NELL1: variants seen among roughly 807,000 people sequenced by gnomAD.
NELL1 encodes protein kinase C-binding protein NELL1.
NELL1 carries 76 observed loss-of-function variants against 107.4 expected under a neutral mutation model. That is an observed-to-expected ratio of 0.71 (90% CI 0.59 to 0.86). The LOEUF (loss-of-function observed/expected upper bound fraction) is 0.86, where lower values mean the gene tolerates loss of function less well. Among genes scored for constraint, NELL1 ranks in the 40% least tolerant of loss-of-function variants. The pLI is 0.00. For synonymous variants in NELL1, 353 were observed against 341.2 expected (o/e 1.03, Z -0.38); for missense variants, 1,024 against 1,005.5 (o/e 1.02, Z -0.25).
intron 12 of NELL1, among the ~76,000 whole-genome samples, chr11:21,018,124 T>A (rs77793813): frequency 1.3e-5 from 2 of 152,144 alleles, no homozygotes; most frequent in Non-Finnish European, 2.9e-5. Flanking sequence ...TCAGGCTTGA[T>A]TGACATATTC....
intron 12 of NELL1, among the ~76,000 whole-genome samples, chr11:21,009,428 T>TA (rs948204882): frequency 2.6e-5 from 4 of 152,094 alleles, no homozygotes; most frequent in Admixed American, 2.6e-4. Context: ...AGGAGAGTAA[T>TA]AAAACCCAAA....
At chr11:21,132,028 G>A (rs1261867441) in intron 13 of NELL1, among the ~76,000 whole-genome samples, 2 of 152,106 alleles carry the variant, frequency 1.3e-5, no homozygotes, top group African/African-American at 2.4e-5. Flanking sequence ...TTTCATACAC[G>A]CTTTTGAACA....
At chr11:20,709,228 C>T (rs192007551) in intron 2 of NELL1, among the ~76,000 whole-genome samples, 86 of 152,144 alleles carry the variant, frequency 5.7e-4, no homozygotes, top group African/African-American at 1.9e-3. Flanking sequence ...AGGAGAGAGA[C>T]GAGGATCCAG....
intron 12 of NELL1, among the ~76,000 whole-genome samples, chr11:21,110,745 T>A (rs1356232524): frequency 1.3e-5 from 2 of 152,136 alleles, no homozygotes; most frequent in Non-Finnish European, 2.9e-5. Flanking sequence ...TGGAGTTCAG[T>A]GTGGCTGTAT....
rs76599212 is a variant in NELL1 at position 20,777,344 on chromosome 11, T to C, written c.185-6336T>C. ...ACAGTAATAAGATATACAGGTTTGA[T>C]TTCTCTCATTCCGGCTTCTGGAACA... On this transcript the variant is annotated intron_variant, in intron 2 of 19. Transcript: ENST00000357134. Among the ~76,000 whole-genome samples, 509 of 152,368 alleles carry C rather than the reference T, an allele frequency of 3.3e-3. 4 individuals are homozygous for C. Among genetic ancestry groups the C allele is most frequent in the African/African-American group, 0.012 (492 of 41,594 alleles).
intron 5 of NELL1, among the ~76,000 whole-genome samples, chr11:20,886,711 A>C (rs1206175876): frequency 6.6e-6 from 1 of 152,242 alleles, no homozygotes; most frequent in African/African-American, 2.4e-5. Flanking sequence ...GAGAGATAGC[A>C]TTAGGAGAAA....
At chr11:20,850,438 C>T (rs1050404570) in intron 4 of NELL1, among the ~76,000 whole-genome samples, 2 of 152,194 alleles carry the variant, frequency 1.3e-5, no homozygotes, top group Non-Finnish European at 2.9e-5. Flanking sequence ...GTGCTGAGTA[C>T]TTTACATAGA....
At chr11:20,696,001 A>G (rs1193089762) in intron 2 of NELL1, among the ~76,000 whole-genome samples, 1 of 152,044 alleles carries the variant, frequency 6.6e-6, no homozygotes, top group Non-Finnish European at 1.5e-5. Flanking sequence ...TCTTGGTTCA[A>G]TCATGAGAAG....
In NELL1 at chr11:20,976,156, TAC is replaced by T. The variant is rs1300940344; in HGVS notation, c.1300+15602_1300+15603del. On this transcript the variant is annotated intron_variant, in intron 12 of 19. Coordinates refer to ENST00000357134, the MANE Select transcript of NELL1 (RefSeq NM_006157.5). ...ACACATGTACACACATGTATATATA[TAC>T]ACACATTATATCTGTACATATATAT... Among the ~76,000 whole-genome samples, 2 of 111,774 alleles carry T rather than the reference TAC, an allele frequency of 1.8e-5. 1 individual carries two copies. The highest frequency in any genetic ancestry group is 7.6e-5 in the African/African-American group (2 of 26,194). The allele number at this position is 111,774 out of a possible 152,430, so 73.3% of individuals were successfully genotyped here.
At chr11:20,678,153 G>A (rs564759043) in intron 2 of NELL1, 93 bp downstream of exon 2, 537 of 1,432,106 alleles carry the variant, frequency 3.7e-4, no homozygotes, top group Non-Finnish European at 4.9e-4. Context: ...TCTGGAGATC[G>A]CCTTTGCTAT....
intron 2 of NELL1, among the ~76,000 whole-genome samples, chr11:20,706,220 A>G (rs1451409773): frequency 2.6e-5 from 4 of 152,182 alleles, no homozygotes; most frequent in South Asian, 2.1e-4. Context: ...ATGCACACAT[A>G]TGTTTATTGT....
intron 14 of NELL1, among the ~76,000 whole-genome samples, chr11:21,296,493 A>G (rs1413120993): frequency 2.0e-5 from 3 of 152,144 alleles, no homozygotes; most frequent in Admixed American, 6.6e-5. Flanking sequence ...ATTATCAATT[A>G]TACTTCAGTA....
intron 13 of NELL1, among the ~76,000 whole-genome samples, chr11:21,145,894 T>C (rs1211958425): frequency 1.3e-5 from 2 of 152,190 alleles, no homozygotes; most frequent in Non-Finnish European, 2.9e-5. Context: ...CTGTTTCTTC[T>C]CTACTTCTTT....
chr11:21,446,884 T>G (rs1428248205), intron 15 of NELL1, among the ~76,000 whole-genome samples: 1 of 152,216 alleles, frequency 6.6e-6, no homozygotes, highest in East Asian at 1.9e-4. Flanking sequence ...TGTCCCAGCT[T>G]GGTCCAGAGA....
At chr11:21,339,942 C>T (rs901475691) in intron 14 of NELL1, among the ~76,000 whole-genome samples, 10 of 152,194 alleles carry the variant, frequency 6.6e-5, no homozygotes, top group African/African-American at 4.8e-5. Context: ...GTGAGGCAAA[C>T]TTTAAGGGAA....
chr11:20,733,612 T>C (rs578082968), intron 2 of NELL1, among the ~76,000 whole-genome samples: 10 of 152,340 alleles, frequency 6.6e-5, no homozygotes, highest in African/African-American at 1.9e-4. Flanking sequence ...TTTCCTTATG[T>C]ATTTGTTGAG....
chr11:21,049,681 C>CT lies in NELL1; in HGVS notation c.1301-63894dup, dbSNP rs60727957. Among the ~76,000 whole-genome samples the CT allele has an allele frequency of 4.8e-3, 719 of 148,644 alleles. 3 individuals carry two copies. Among genetic ancestry groups the CT allele is most frequent in the Admixed American group, 8.2e-3 (122 of 14,834 alleles). ...TCAGAGTGAGATATTGACTCAATAACTTTTTTTTTTTTTTGAGATGAAGTC... is the reference window on the plus strand; with the variant it reads ...TCAGAGTGAGATATTGACTCAATAACTTTTTTTTTTTTTTTGAGATGAAGTC... On this transcript the variant is annotated intron_variant, in intron 12 of 19. Coordinates refer to ENST00000357134, the MANE Select transcript of NELL1 (RefSeq NM_006157.5).
intron 12 of NELL1, among the ~76,000 whole-genome samples, chr11:21,027,172 G>C (rs2134311188): frequency 6.6e-6 from 1 of 152,272 alleles, no homozygotes; most frequent in South Asian, 2.1e-4. Flanking sequence ...CTTTGTTCTA[G>C]TTCTGGCAAG....
rs61885935 is a variant in NELL1, at chr11:21,434,475, G to T, written c.1645+63527G>T. ...CCTTTACCCAATATATATTCTTGGT[G>T]TCTTTGTCTAAAATCAGATGATTGT... On this transcript the variant is annotated intron_variant, in intron 15 of 19. Coordinates refer to ENST00000357134, the MANE Select transcript of NELL1 (RefSeq NM_006157.5). Among the ~76,000 whole-genome samples, 321 of 152,154 alleles carry T rather than the reference G, an allele frequency of 2.1e-3. 1 individual carries two copies. The highest frequency in any genetic ancestry group is 3.4e-3 in the Non-Finnish European group (234 of 67,984).
Sources: gnomAD v4.1 joint callset for allele counts (sites outside exome capture counted in the v4.1 genomes callset) on GRCh38, gnomAD v4.1.1 for gene constraint, MANE v1.5 for transcripts, NCBI Gene and HGNC (gene_info 2026-07-23, HGNC 2026-07-21) for gene names.